THADA: variants seen among roughly 807,000 people sequenced by gnomAD.
THADA encodes the protein tRNA (32-2'-O)-methyltransferase regulator THADA.
A neutral mutation model predicts 219.8 loss-of-function variants in THADA; 213 were observed. The observed-to-expected ratio is 0.97, with a 90% CI of 0.87 to 1.09. The LOEUF is 1.09. Ranked by LOEUF, THADA falls within the 50% of genes least tolerant of loss-of-function variation. The pLI, the probability that THADA is intolerant of heterozygous loss-of-function variation, is 0.00. For missense variants in THADA, 2,956 were observed against 2,311.3 expected (o/e 1.28, Z -5.72); for synonymous variants, 1,018 against 828.9 (o/e 1.23, Z -3.92).
chr2:43,440,580 G>A (rs989714255), intron 26 of THADA, among the ~76,000 whole-genome samples: 4 of 152,128 alleles, frequency 2.6e-5, no homozygotes, highest in Admixed American at 6.5e-5. Context: ...GTGAAGAGAA[G>A]TCACTTAAAG....
chr2:43,404,761 C>T (rs1675330658), intron 28 of THADA, among the ~76,000 whole-genome samples: 1 of 152,056 alleles, frequency 6.6e-6, no homozygotes, highest in South Asian at 2.1e-4. Flanking sequence ...ATCCAGCAGA[C>T]CTAAGTTTAC....
intron 34 of THADA, among the ~76,000 whole-genome samples, chr2:43,287,756 T>C (rs904048170): frequency 3.9e-5 from 6 of 152,192 alleles, no homozygotes; most frequent in Non-Finnish European, 8.8e-5. Flanking sequence ...CCCAGATTCT[T>C]GGCTGGGCCC....
chr2:43,287,005 T>C lies in THADA; in HGVS notation c.5067A>G (p.Ser1689=). ...LKQWVQLVIL[S]CEDHLPTESR... Reference sequence around the variant, plus strand: ...ACTCTGTAGGAAGATGGTCTTCACATGACAAGATGACCAGCTGAACCCACT... The same window carrying C: ...ACTCTGTAGGAAGATGGTCTTCACACGACAAGATGACCAGCTGAACCCACT... The change falls in exon 35 of 38, where the codon TCA becomes TCG. Residue 1689 remains serine (S), a synonymous_variant. Transcript: ENST00000405975. 1.2e-6 allele frequency: 2 copies of C among 1,613,950 alleles called. No individual in the cohort carries two copies. Among genetic ancestry groups the C allele is most frequent in the Non-Finnish European group, 1.7e-6 (2 of 1,179,874 alleles).
intron 22 of THADA, among the ~76,000 whole-genome samples, chr2:43,514,903 AAT>A (rs1460528528): frequency 3.8e-5 from 3 of 79,512 alleles, no homozygotes; most frequent in South Asian, 4.2e-4. Flanking sequence ...TTTTATGTAT[AAT>A]ATATATTTTA....
chr2:43,398,160 A>C (rs1674333889), intron 28 of THADA, 21 bp from the exon 29 acceptor site: 1 of 1,610,562 alleles, frequency 6.2e-7, no homozygotes, highest in African/African-American at 1.3e-5. Flanking sequence ...ATAAAAACAC[A>C]AGACCATTCA....
intron 22 of THADA, among the ~76,000 whole-genome samples, chr2:43,515,013 T>C (rs1486180931): frequency 1.8e-5 from 1 of 56,182 alleles, no homozygotes; most frequent in Non-Finnish European, 2.9e-5. Flanking sequence ...TTATATATAT[T>C]ATATATTTTA....
At chr2:43,332,461 G>C (rs919561290) in intron 30 of THADA, among the ~76,000 whole-genome samples, 22 of 152,180 alleles carry the variant, frequency 1.4e-4, no homozygotes, top group African/African-American at 4.6e-4. Flanking sequence ...TTCTGAAACA[G>C]AGACAATTAT....
chr2:43,501,327 AAAAAAAAAAAAAG>A, intron 24 of THADA, among the ~76,000 whole-genome samples: 1 of 146,166 alleles, frequency 6.8e-6, no homozygotes, highest in Non-Finnish European at 1.5e-5. Context: ...AAAAAAAAAA[AAAAAAAAAAAAAG>A]AGAGACTTTT....
chr2:43,426,524 C>G (rs1455903938), intron 28 of THADA, among the ~76,000 whole-genome samples: 1 of 152,174 alleles, frequency 6.6e-6, no homozygotes, highest in Non-Finnish European at 1.5e-5. Flanking sequence ...ACCCAAATTC[C>G]TAAAATGAAT....
At chr2:43,403,702 A>G (rs1675157323) in intron 28 of THADA, among the ~76,000 whole-genome samples, 1 of 152,100 alleles carries the variant, frequency 6.6e-6, no homozygotes, top group Non-Finnish European at 1.5e-5. Context: ...CAGAGGCCCC[A>G]AACTTCTGTC....
At chr2:43,293,827 C>T (rs1041136672) in intron 31 of THADA, among the ~76,000 whole-genome samples, 2 of 152,212 alleles carry the variant, frequency 1.3e-5, no homozygotes, top group Non-Finnish European at 2.9e-5. Context: ...GATGGGGTCA[C>T]TGTCTCTCAT....
intron 25 of THADA, among the ~76,000 whole-genome samples, chr2:43,489,124 T>C (rs116374279): frequency 0.022 from 3,389 of 152,294 alleles, 49 homozygotes; most frequent in African/African-American, 0.045. Flanking sequence ...CTTTCTTGAT[T>C]GTGTCCTTTG....
intron 26 of THADA, among the ~76,000 whole-genome samples, chr2:43,436,244 T>G (rs1458833092): frequency 6.6e-6 from 1 of 152,108 alleles, no homozygotes; most frequent in Non-Finnish European, 1.5e-5. Flanking sequence ...GGAGAACTGA[T>G]TTTGAGGAAG....
At chr2:43,476,612 T>C (rs1012223680) in intron 26 of THADA, among the ~76,000 whole-genome samples, 1 of 152,238 alleles carries the variant, frequency 6.6e-6, no homozygotes, top group African/African-American at 2.4e-5. Context: ...GTGCTATTAC[T>C]GTGGGGATTA....
chr2:43,266,389 A>C (rs1671520272), intron 36 of THADA, among the ~76,000 whole-genome samples: 1 of 152,218 alleles, frequency 6.6e-6, no homozygotes. Context: ...CAGGAGATCC[A>C]GACCATCCTG....
intron 36 of THADA, among the ~76,000 whole-genome samples, chr2:43,261,636 ATTT>A (rs35414545): frequency 8.6e-6 from 1 of 116,156 alleles, no homozygotes; most frequent in Non-Finnish European, 1.8e-5. Context: ...TATTGTTTTG[ATTT>A]TTTTTTTTTT....
At chr2:43,476,477 A>T (rs897549319) in intron 26 of THADA, among the ~76,000 whole-genome samples, 2 of 152,194 alleles carry the variant, frequency 1.3e-5, no homozygotes, top group Admixed American at 1.3e-4. Flanking sequence ...TTTCCTGGTT[A>T]TATATGGGAT....
intron 36 of THADA, among the ~76,000 whole-genome samples, chr2:43,253,575 C>G (rs1670027619): frequency 6.6e-6 from 1 of 152,120 alleles, no homozygotes. Flanking sequence ...GGTTTCATGA[C>G]AATGGAACCT....
intron 21 of THADA, among the ~76,000 whole-genome samples, chr2:43,537,911 G>T (rs1392819016): frequency 6.7e-6 from 1 of 148,818 alleles, no homozygotes; most frequent in Non-Finnish European, 1.5e-5. Flanking sequence ...CAGCACTCTA[G>T]CTTGGGCGCC....
Sources: gnomAD v4.1 joint callset for allele counts (sites outside exome capture counted in the v4.1 genomes callset) on GRCh38, gnomAD v4.1.1 for gene constraint, MANE v1.5 for transcripts, NCBI Gene and HGNC (gene_info 2026-07-23, HGNC 2026-07-21) for gene names.